The following CEP112 variants were observed in gnomAD, a reference collection of about 807,000 sequenced individuals.
CEP112 encodes the protein centrosomal protein 112, also known as centrosomal protein of 112 kDa.
Under a neutral mutation model 153.0 loss-of-function variants are expected in CEP112, and 127 were observed. The ratio of observed to expected loss-of-function variants is 0.83; its 90% CI spans 0.72 to 0.96. CEP112 has a LOEUF of 0.96. Ranked by LOEUF, CEP112 falls within the 40% of genes least tolerant of loss-of-function variation. CEP112 has a pLI of 0.00. For synonymous variants in CEP112, 358 were observed against 374.4 expected (o/e 0.96, Z 0.51); for missense variants, 1,089 against 1,101.2 (o/e 0.99, Z 0.16).
intron 22 of CEP112, among the ~76,000 whole-genome samples, chr17:65,743,594 T>C (rs539732610): frequency 2.0e-5 from 3 of 152,218 alleles, no homozygotes; most frequent in Non-Finnish European, 4.4e-5. Context: ...TACTTTGAAC[T>C]GTAATAACCA....
chr17:66,070,088 A>G, intron 8 of CEP112, 87 bp from the exon 9 acceptor site: 1 of 707,092 alleles, frequency 1.4e-6, no homozygotes, highest in Non-Finnish European at 2.4e-6. Context: ...TTCCCTATAA[A>G]AAAGACAGTT....
chr17:65,736,444 C>T (rs1451975621), intron 23 of CEP112, among the ~76,000 whole-genome samples: 1 of 151,992 alleles, frequency 6.6e-6, no homozygotes, highest in South Asian at 2.1e-4. Flanking sequence ...GGATTGAGGG[C>T]TCAGGAGAAA....
intron 18 of CEP112, among the ~76,000 whole-genome samples, chr17:65,950,603 C>G (rs1037596496): frequency 3.3e-5 from 5 of 151,756 alleles, no homozygotes; most frequent in African/African-American, 9.7e-5. Context: ...TGTATTAGTT[C>G]TAGTATATCT....
At chr17:65,968,001 T>C (rs1284523488) in intron 17 of CEP112, among the ~76,000 whole-genome samples, 1 of 152,168 alleles carries the variant, frequency 6.6e-6, no homozygotes, top group Non-Finnish European at 1.5e-5. Flanking sequence ...ATTTAACAAA[T>C]GATTAAAACT....
chr17:65,802,159 T>C (rs1598625472), intron 21 of CEP112, among the ~76,000 whole-genome samples: 1 of 152,138 alleles, frequency 6.6e-6, no homozygotes. Context: ...AATGATTGGG[T>C]AGAGGTTTCT....
At chr17:66,143,654 T>C (rs1207260821) in intron 4 of CEP112, among the ~76,000 whole-genome samples, 2 of 152,198 alleles carry the variant, frequency 1.3e-5, no homozygotes, top group South Asian at 2.1e-4. Flanking sequence ...ATAGCTTCAT[T>C]TGAAAGAGTT....
chr17:65,956,083 T>C (rs73336651), intron 18 of CEP112, among the ~76,000 whole-genome samples: 1,704 of 152,194 alleles, frequency 0.011, 34 homozygotes, highest in African/African-American at 0.039. Flanking sequence ...TTCCCCAAGA[T>C]AGACCATAAC....
chr17:66,062,921 C>A lies in CEP112; in HGVS notation c.1074+42G>T, dbSNP rs201700818. Reference sequence around the variant, plus strand: ...TATAATTAAATATGTTACTTGGAAGCATAAACTTTTATGTTTTCCATTAGT... The same window carrying A: ...TATAATTAAATATGTTACTTGGAAGAATAAACTTTTATGTTTTCCATTAGT... On this transcript the variant is annotated intron_variant, in intron 11 of 26. Coordinates refer to ENST00000535342, the MANE Select transcript of CEP112 (RefSeq NM_001199165.4). The A allele has an allele frequency of 1.3e-4, 123 of 957,928 alleles. No homozygotes were observed. The East Asian group carries it at 2.9e-3, about 23-fold the overall frequency. 59.3% of individuals were successfully genotyped at this position (957,928 alleles called of 1,614,324 possible).
chr17:65,931,274 T>C (rs1156768208), intron 18 of CEP112, among the ~76,000 whole-genome samples: 1 of 152,214 alleles, frequency 6.6e-6, no homozygotes, highest in Non-Finnish European at 1.5e-5. Context: ...TTCGTGAATA[T>C]TCCAGAACAT....
chr17:66,139,290 A>G (rs2070579969), intron 4 of CEP112, among the ~76,000 whole-genome samples: 1 of 152,180 alleles, frequency 6.6e-6, no homozygotes, highest in Non-Finnish European at 1.5e-5. Context: ...AAGATAAGAC[A>G]TTACACTCAA....
At chr17:66,111,277 C>A (rs148119317) in intron 6 of CEP112, among the ~76,000 whole-genome samples, 1 of 152,134 alleles carries the variant, frequency 6.6e-6, no homozygotes, top group African/African-American at 2.4e-5. Flanking sequence ...ATTAGTTCAA[C>A]CATTGTGGAA....
At chr17:65,720,882 C>T (rs1233257741) in intron 23 of CEP112, among the ~76,000 whole-genome samples, 2 of 152,102 alleles carry the variant, frequency 1.3e-5, no homozygotes, top group Non-Finnish European at 2.9e-5. Context: ...AATGAGGAAA[C>T]TGCTGCACAG....
intron 18 of CEP112, among the ~76,000 whole-genome samples, chr17:65,931,785 G>A (rs1457809473): frequency 1.3e-5 from 2 of 152,250 alleles, no homozygotes; most frequent in Non-Finnish European, 2.9e-5. Context: ...GCAGAGCAGA[G>A]CATGTAGTCC....
At chr17:66,131,042 G>C (rs2070139479) in intron 5 of CEP112, among the ~76,000 whole-genome samples, 1 of 152,224 alleles carries the variant, frequency 6.6e-6, no homozygotes, top group East Asian at 1.9e-4. Flanking sequence ...TAGATTTGTT[G>C]ATACAGCATT....
intron 2 of CEP112, among the ~76,000 whole-genome samples, chr17:66,180,118 G>C (rs1421715437): frequency 1.3e-5 from 2 of 151,992 alleles, no homozygotes; most frequent in Non-Finnish European, 1.5e-5. Context: ...TTGCATTAAT[G>C]TTCATCAGGG....
intron 17 of CEP112, among the ~76,000 whole-genome samples, chr17:66,001,340 A>G (rs939301861): frequency 6.6e-6 from 1 of 152,156 alleles, no homozygotes; most frequent in Admixed American, 6.5e-5. Context: ...TAGATGTTCG[A>G]TATTAGACCT....
chr17:66,067,013 AT>A (rs2067145668), intron 9 of CEP112, 136 bp from the exon 10 acceptor site: 3 of 339,572 alleles, frequency 8.8e-6, no homozygotes, highest in Admixed American at 1.8e-4. Flanking sequence ...CTGTGAAATT[AT>A]AAACACACAC....
intron 23 of CEP112, among the ~76,000 whole-genome samples, chr17:65,711,288 A>C (rs2049173002): frequency 6.6e-6 from 1 of 152,170 alleles, no homozygotes; most frequent in South Asian, 2.1e-4. Flanking sequence ...TGGCTGCCTG[A>C]GTTGGAATCT....
At chr17:65,711,234 T>C (rs371314395) in intron 23 of CEP112, among the ~76,000 whole-genome samples, 9 of 152,350 alleles carry the variant, frequency 5.9e-5, no homozygotes, top group South Asian at 2.1e-4. Context: ...TGGTGAAACC[T>C]TCAAATGCAT....
Sources: gnomAD v4.1 joint callset for allele counts (sites outside exome capture counted in the v4.1 genomes callset) on GRCh38, gnomAD v4.1.1 for gene constraint, MANE v1.5 for transcripts, NCBI Gene and HGNC (gene_info 2026-07-23, HGNC 2026-07-21) for gene names.